The following ANKRD44 variants were observed in gnomAD, a reference collection of about 807,000 sequenced individuals.
The protein encoded by ANKRD44 is ankyrin repeat domain 44, also known as serine/threonine-protein phosphatase 6 regulatory ankyrin repeat subunit B.
A neutral mutation model predicts 116.0 loss-of-function variants in ANKRD44; 35 were observed. That is an observed-to-expected ratio of 0.30 (90% CI 0.23 to 0.40). The LOEUF (loss-of-function observed/expected upper bound fraction) is 0.40, where lower values mean the gene tolerates loss of function less well. ANKRD44 is among the 10% of genes least tolerant of loss of function. ANKRD44 has a pLI of 1.00. For missense variants in ANKRD44, 1,014 were observed against 1,242.6 expected, an observed-to-expected ratio of 0.82 and a Z score of 2.77; for synonymous variants, 435 against 461.8, an observed-to-expected ratio of 0.94 and a Z score of 0.74.
Position 196,989,664 on chromosome 2 carries a change from G to C in ANKRD44, c.2924-15C>G, listed in dbSNP as rs1187118257. The C allele has an allele frequency of 6.5e-7, 1 of 1,550,118 alleles. No homozygotes were observed. Among genetic ancestry groups the C allele is most frequent in the South Asian group, 1.2e-5 (1 of 84,056 alleles). On this transcript the variant is annotated splice_polypyrimidine_tract_variant and intron_variant, in intron 27 of 27. Transcript: ENST00000282272. ...TGACCTAGAAGCTTTGGCAGAGGGA[G>C]CAGACACAGTATTCACTATGTTGAT...
chr2:197,224,597 T>C (rs955514016), intron 1 of ANKRD44, among the ~76,000 whole-genome samples: 1 of 152,230 alleles, frequency 6.6e-6, no homozygotes, highest in African/African-American at 2.4e-5. Context: ...TACATGATTA[T>C]CTGGGTGATG....
chr2:197,082,001 C>G (rs998557144), intron 14 of ANKRD44, among the ~76,000 whole-genome samples: 3 of 152,144 alleles, frequency 2.0e-5, no homozygotes, highest in Admixed American at 1.3e-4. Context: ...CTTCTATAAA[C>G]ATCCTAAACT....
intron 1 of ANKRD44, among the ~76,000 whole-genome samples, chr2:197,202,735 A>C (rs939844786): frequency 1.3e-5 from 2 of 152,076 alleles, no homozygotes; most frequent in Non-Finnish European, 2.9e-5. Context: ...CACCACACCC[A>C]GCTAATTTTT....
At chr2:197,239,872 G>A (rs1019442919) in intron 1 of ANKRD44, among the ~76,000 whole-genome samples, 9 of 152,124 alleles carry the variant, frequency 5.9e-5, no homozygotes, top group Non-Finnish European at 1.3e-4. Context: ...GAACACCTAT[G>A]TAAAAACTAA....
At chr2:197,249,103 T>G (rs2082261295) in intron 1 of ANKRD44, among the ~76,000 whole-genome samples, 1 of 151,912 alleles carries the variant, frequency 6.6e-6, no homozygotes, top group South Asian at 2.1e-4. Flanking sequence ...AGACCCCATC[T>G]CTACAAAAAA....
In ANKRD44 at chr2:197,040,277, C is replaced by T. The variant is rs531432117; in HGVS notation, c.1651-15010G>A. 1.4e-4 allele frequency among the ~76,000 whole-genome samples: 21 copies of T among 151,976 alleles called. 1 individual carries two copies. In the South Asian group the frequency reaches 4.2e-3, roughly 30 times the overall value. On this transcript the variant is annotated intron_variant, in intron 16 of 27. Coordinates refer to ENST00000282272, the MANE Select transcript of ANKRD44 (RefSeq NM_001195144.2). ...ACAAAACAAAACAAAAAAACAGGCC[C>T]ACCCAAAAATTAATTTTTTTAGTAT...
intron 1 of ANKRD44, among the ~76,000 whole-genome samples, chr2:197,285,531 C>A (rs559062094): frequency 1.1e-4 from 17 of 152,252 alleles, no homozygotes; most frequent in Middle Eastern, 3.4e-3. Context: ...ACTCCATTTT[C>A]TCATAAAAAT....
At position 197,310,567 on chromosome 2, in the gene ANKRD44, C is replaced by A. The variant is rs1295559204; in HGVS notation, c.27+11G>T. On this transcript the variant is annotated intron_variant, in intron 1 of 27. Transcript: ENST00000282272. ...CCGCGCGTCCCGCCCGCCGGCGCCGCCGCCCGCTACCTGGTCGGTGAGTTT... is the reference window on the plus strand; with the variant it reads ...CCGCGCGTCCCGCCCGCCGGCGCCGACGCCCGCTACCTGGTCGGTGAGTTT... The A allele has an allele frequency of 2.5e-6, 3 of 1,197,776 alleles. No individual in the cohort carries two copies. The highest frequency in any genetic ancestry group is 3.2e-6 in the Non-Finnish European group (3 of 944,690). 74.2% of individuals were successfully genotyped at this position (1,197,776 alleles called of 1,614,324 possible). A position where few individuals can be genotyped will look rare whatever the true frequency, so the allele number is the denominator to read the frequency against.
At chr2:197,021,643 G>A (rs1180155826) in intron 17 of ANKRD44, among the ~76,000 whole-genome samples, 1 of 152,026 alleles carries the variant, frequency 6.6e-6, no homozygotes, top group Non-Finnish European at 1.5e-5. Context: ...TTTTAGATGG[G>A]GTTTTTTGAT....
In ANKRD44 at chr2:197,251,271, T is replaced by C. The variant is rs893643278; in HGVS notation, c.27+59307A>G. ...AAAACATTCCATATTTTGTCTGTTG[T>C]TGTCTATCCAAATTCTTTCTCATTT... On this transcript the variant is annotated intron_variant, in intron 1 of 27. Transcript: ENST00000282272. Among the ~76,000 whole-genome samples, 5 of 152,200 alleles carry C rather than the reference T, an allele frequency of 3.3e-5. No homozygotes were observed. The East Asian group carries it at 9.6e-4, about 29-fold the overall frequency.
At chr2:197,110,940 G>A in intron 8 of ANKRD44, 96 bp from the exon 9 acceptor site, 1 of 828,180 alleles carries the variant, frequency 1.2e-6, no homozygotes, top group Non-Finnish European at 2.1e-6. Flanking sequence ...ATAATGCCCT[G>A]AAAACATTCA....
intron 16 of ANKRD44, among the ~76,000 whole-genome samples, chr2:197,065,959 T>G (rs1351527493): frequency 6.6e-6 from 1 of 152,194 alleles, no homozygotes; most frequent in Non-Finnish European, 1.5e-5. Flanking sequence ...ATCATCCTGA[T>G]ACCAAAGCCT....
chr2:197,278,786 A>G (rs116406347), intron 1 of ANKRD44, among the ~76,000 whole-genome samples: 51 of 152,326 alleles, frequency 3.3e-4, no homozygotes, highest in Non-Finnish European at 5.9e-4. Context: ...TCATTGCGAC[A>G]CGTAGGTCGC....
Position 197,186,160 on chromosome 2 carries a change from T to A in ANKRD44, c.111+863A>T, listed in dbSNP as rs2080652934. Among the ~76,000 whole-genome samples, 4 of 152,164 alleles carry A rather than the reference T, an allele frequency of 2.6e-5. No homozygotes were observed. The South Asian group carries it at 8.3e-4, about 32-fold the overall frequency. On this transcript the variant is annotated intron_variant, in intron 2 of 27. Transcript: ENST00000282272. ...AGCAGGAGGCCTGCAGAAAAAAATG[T>A]ATGATGTACCATAGGTTGCCAACCA...
chr2:197,114,194 T>C (rs2125291716), intron 8 of ANKRD44, among the ~76,000 whole-genome samples: 1 of 152,344 alleles, frequency 6.6e-6, no homozygotes, highest in South Asian at 2.1e-4. Context: ...CACAAAAAGA[T>C]AAAACATTCC....
intron 7 of ANKRD44, among the ~76,000 whole-genome samples, chr2:197,122,263 C>A (rs1189746331): frequency 6.6e-6 from 1 of 152,166 alleles, no homozygotes; most frequent in Non-Finnish European, 1.5e-5. Context: ...CCTTTTCCAG[C>A]TCAAGAGTAG....
chr2:197,007,989 G>C, intron 19 of ANKRD44, 66 bp from the exon 20 acceptor site: 1 of 995,962 alleles, frequency 1.0e-6, no homozygotes, highest in Non-Finnish European at 1.5e-6. Context: ...ACTACCAGTA[G>C]GAAGACATTC....
chr2:196,991,793 T>C (rs955479268), intron 27 of ANKRD44, among the ~76,000 whole-genome samples: 3 of 151,686 alleles, frequency 2.0e-5, no homozygotes, highest in African/African-American at 7.3e-5. Context: ...GGTCTTGCTA[T>C]GTTTCCCAGG....
intron 1 of ANKRD44, among the ~76,000 whole-genome samples, chr2:197,265,457 G>A (rs1011866550): frequency 1.3e-5 from 2 of 152,086 alleles, no homozygotes; most frequent in Non-Finnish European, 2.9e-5. Context: ...ATGTTGGCCA[G>A]GCTGGTCTCG....
Sources: allele counts gnomAD v4.1 joint callset (sites outside exome capture counted in the v4.1 genomes callset), GRCh38; gene constraint gnomAD v4.1.1; transcripts MANE v1.5; gene names NCBI Gene and HGNC (gene_info 2026-07-23, HGNC 2026-07-21).